PLCB1: variants seen among roughly 807,000 people sequenced by gnomAD.
The protein encoded by PLCB1 is phospholipase C beta 1.
A neutral mutation model predicts 161.8 loss-of-function variants in PLCB1; 46 were observed. That is an observed-to-expected ratio of 0.28 (90% confidence interval 0.22 to 0.36). The LOEUF is 0.36. PLCB1 is among the 10% of genes least tolerant of loss of function. The pLI is 1.00. For missense variants in PLCB1, 1,016 were observed against 1,472.5 expected, an observed-to-expected ratio of 0.69 and a Z score of 5.07; for synonymous variants, 517 against 503.7, an observed-to-expected ratio of 1.03 and a Z score of -0.35.
chr20:8,667,799 A>G (rs1056785089), intron 9 of PLCB1, among the ~76,000 whole-genome samples: 1 of 152,180 alleles, frequency 6.6e-6, no homozygotes, highest in Non-Finnish European at 1.5e-5. Context: ...TCTTTCCTTC[A>G]TCACACCTTT....
chr20:8,202,587 T>C (rs964514363), intron 2 of PLCB1, among the ~76,000 whole-genome samples: 2 of 152,210 alleles, frequency 1.3e-5, no homozygotes, highest in Admixed American at 6.5e-5. Flanking sequence ...AGGTATTTGT[T>C]GGACTAGATA....
chr20:8,215,418 C>T (rs527344568), intron 2 of PLCB1, among the ~76,000 whole-genome samples: 1 of 152,120 alleles, frequency 6.6e-6, no homozygotes, highest in South Asian at 2.1e-4. Flanking sequence ...GAGACGGCAA[C>T]ATCATGTCGC....
At chr20:8,268,068 TA>T (rs1982070919) in intron 2 of PLCB1, among the ~76,000 whole-genome samples, 1 of 152,042 alleles carries the variant, frequency 6.6e-6, no homozygotes, top group South Asian at 2.1e-4. Context: ...CTGCACCCAT[TA>T]ACTCATCATT....
At chr20:8,699,737 TATC>T (rs573659682) in intron 11 of PLCB1, among the ~76,000 whole-genome samples, 2 of 152,358 alleles carry the variant, frequency 1.3e-5, no homozygotes, top group South Asian at 4.1e-4. Flanking sequence ...TCAGCAGTAA[TATC>T]ATTCACACCT....
chr20:8,878,931 A>AT (rs1987875536), intron 31 of PLCB1, among the ~76,000 whole-genome samples: 1 of 152,032 alleles, frequency 6.6e-6, no homozygotes, highest in African/African-American at 2.4e-5. Context: ...AGTACCCAGC[A>AT]ATTAGTTTTT....
intron 3 of PLCB1, among the ~76,000 whole-genome samples, chr20:8,555,981 A>ATT (rs5840271): frequency 1.3e-5 from 2 of 151,790 alleles, no homozygotes; most frequent in African/African-American, 2.4e-5. Context: ...GTCAGAAATG[A>ATT]TTTTTTTTAA....
intron 2 of PLCB1, among the ~76,000 whole-genome samples, chr20:8,294,551 T>C (rs1437707240): frequency 6.6e-6 from 1 of 151,670 alleles, no homozygotes; most frequent in East Asian, 2.0e-4. Flanking sequence ...TATATGTGTG[T>C]ATATCTACAT....
At chr20:8,867,225 A>G (rs1987459165) in intron 31 of PLCB1, among the ~76,000 whole-genome samples, 1 of 152,166 alleles carries the variant, frequency 6.6e-6, no homozygotes, top group Non-Finnish European at 1.5e-5. Context: ...GAGTTATCAT[A>G]AAGGCATGCA....
At chr20:8,504,192 C>A (rs997271584) in intron 3 of PLCB1, among the ~76,000 whole-genome samples, 2 of 152,176 alleles carry the variant, frequency 1.3e-5, no homozygotes, top group African/African-American at 2.4e-5. Context: ...CACCTCCACT[C>A]TAAGGCCCAG....
intron 3 of PLCB1, among the ~76,000 whole-genome samples, chr20:8,583,446 T>TA (rs1453021618): frequency 1.3e-5 from 2 of 152,218 alleles, no homozygotes; most frequent in African/African-American, 4.8e-5. Flanking sequence ...ATAAATTATT[T>TA]AAAAACCCTC....
rs74183548 is a variant in PLCB1, at chr20:8,202,986, A to G, written c.177+52615A>G. ...AATCACCAGGGTACTTTGCTTCTTTAGTGAATGGGAAATATTATAGTGCAC... is the reference window on the plus strand; with the variant it reads ...AATCACCAGGGTACTTTGCTTCTTTGGTGAATGGGAAATATTATAGTGCAC... On this transcript the variant is annotated intron_variant, in intron 2 of 31. Coordinates refer to ENST00000338037, the MANE Select transcript of PLCB1 (RefSeq NM_015192.4). Among the ~76,000 whole-genome samples, 996 of 152,194 alleles carry G rather than the reference A, an allele frequency of 6.5e-3. 8 individuals are homozygous for G. The highest frequency in any genetic ancestry group is 0.018 in the South Asian group (85 of 4,818).
chr20:8,360,731 T>A (rs945961988), intron 2 of PLCB1, among the ~76,000 whole-genome samples: 1 of 152,122 alleles, frequency 6.6e-6, no homozygotes, highest in Non-Finnish European at 1.5e-5. Context: ...CCAAAAGCAA[T>A]GTTAAGAAGC....
chr20:8,358,795 C>T (rs1986446901), intron 2 of PLCB1, among the ~76,000 whole-genome samples: 1 of 152,210 alleles, frequency 6.6e-6, no homozygotes, highest in Admixed American at 6.5e-5. Context: ...CTAACATTCT[C>T]TTGCCTTAAT....
chr20:8,397,278 TC>T (rs1356353637), intron 3 of PLCB1, among the ~76,000 whole-genome samples: 2 of 152,118 alleles, frequency 1.3e-5, no homozygotes, highest in African/African-American at 4.8e-5. Context: ...ATTGTATGCT[TC>T]ACTAAGAATA....
intron 9 of PLCB1, among the ~76,000 whole-genome samples, chr20:8,684,176 G>A (rs376568338): frequency 3.8e-4 from 58 of 151,012 alleles, no homozygotes; most frequent in Middle Eastern, 3.5e-3. Flanking sequence ...GAGCCACCGC[G>A]CCCAGCCCCA....
intron 2 of PLCB1, among the ~76,000 whole-genome samples, chr20:8,368,069 C>T (rs893963317): frequency 6.6e-6 from 1 of 152,190 alleles, no homozygotes. Context: ...GGGAATGAAT[C>T]CTGGAAGTGG....
intron 3 of PLCB1, among the ~76,000 whole-genome samples, chr20:8,482,777 G>A (rs574559381): frequency 3.2e-4 from 49 of 152,200 alleles, no homozygotes; most frequent in Non-Finnish European, 6.2e-4. Context: ...GTGAGACTGT[G>A]TGTAATAAAG....
chr20:8,882,123 C>A lies in PLCB1; in HGVS notation c.*274C>A, dbSNP rs1022649447. On this transcript the variant is annotated 3_prime_UTR_variant, in exon 32 of 32. Transcript: ENST00000338037. The stretch of plus-strand genomic sequence containing the variant: ...TAGCAAATTCAAAGCAAGCAACTTG[C>A]AGGCTCCATGGAACTTTTAATGAAG... 2.4e-5 allele frequency: 9 copies of A among 368,046 alleles called. No homozygotes were observed. Among genetic ancestry groups the A allele is most frequent in the Non-Finnish European group, 3.9e-5 (8 of 202,878 alleles). The allele number at this position is 368,046 out of a possible 1,614,324, so 22.8% of individuals were successfully genotyped here. A position where few individuals can be genotyped will look rare whatever the true frequency, so the allele number is the denominator to read the frequency against.
chr20:8,498,714 A>G (rs1983281798), intron 3 of PLCB1, among the ~76,000 whole-genome samples: 1 of 151,972 alleles, frequency 6.6e-6, no homozygotes, highest in African/African-American at 2.4e-5. Flanking sequence ...GCTTAAGACA[A>G]CTCTTTGTTT....
Sources: allele counts gnomAD v4.1 joint callset (sites outside exome capture counted in the v4.1 genomes callset), GRCh38; gene constraint gnomAD v4.1.1; transcripts MANE v1.5; gene names NCBI Gene and HGNC (gene_info 2026-07-23, HGNC 2026-07-21).